The following OSBPL9 variants were observed in gnomAD, a reference collection of about 807,000 sequenced individuals.
OSBPL9 encodes the protein oxysterol binding protein like 9.
Under a neutral mutation model 106.6 loss-of-function variants are expected in OSBPL9, and 40 were observed. The observed-to-expected ratio is 0.38, with a 90% CI of 0.29 to 0.49. OSBPL9 has a LOEUF of 0.49. OSBPL9 is among the 20% of genes least tolerant of loss of function. OSBPL9 has a pLI of 0.97. For synonymous variants in OSBPL9, 269 were observed against 295.4 expected (o/e 0.91, Z 0.92); for missense variants, 609 against 887.2 (o/e 0.69, Z 3.98).
At chr1:51,617,801 C>T (rs1644158695) in intron 1 of OSBPL9, among the ~76,000 whole-genome samples, 1 of 152,112 alleles carries the variant, frequency 6.6e-6, no homozygotes, top group Non-Finnish European at 1.5e-5. Context: ...CTCTATTTAG[C>T]GGGAGGCGAG....
intron 1 of OSBPL9, among the ~76,000 whole-genome samples, chr1:51,591,207 C>T (rs1004684583): frequency 6.6e-6 from 1 of 151,148 alleles, no homozygotes; most frequent in Non-Finnish European, 1.5e-5. Context: ...CGTGAGCCAC[C>T]GTGCCGGGCC....
chr1:51,619,012 G>A (rs1401821812), intron 1 of OSBPL9, among the ~76,000 whole-genome samples: 1 of 152,168 alleles, frequency 6.6e-6, no homozygotes, highest in Non-Finnish European at 1.5e-5. Context: ...AAGGGAAAAA[G>A]ACTAAACCTT....
At chr1:51,562,989 G>A in the OSBPL9 span, among the ~76,000 whole-genome samples, 2 of 152,162 alleles carry the variant, frequency 1.3e-5, no homozygotes, top group Non-Finnish European at 2.9e-5. Context: ...CAGGCGGATC[G>A]CTTGAGGTCA....
intron 1 of OSBPL9, among the ~76,000 whole-genome samples, chr1:51,578,266 T>A (rs1393779504): frequency 2.0e-5 from 3 of 152,228 alleles, no homozygotes; most frequent in Non-Finnish European, 4.4e-5. Flanking sequence ...AATAGTTGTA[T>A]AACTTTGGCC....
In OSBPL9 at chr1:51,657,102, T is replaced by A. The variant is rs183785006; in HGVS notation, c.162+5061T>A. On this transcript the variant is annotated intron_variant, in intron 2 of 23. Coordinates refer to ENST00000428468, the MANE Select transcript of OSBPL9 (RefSeq NM_024586.6). ...TTCAGTGTCACAGTTGCCTGGCACA[T>A]AATAAATACTCAAAAATGCTTATTG... Among the ~76,000 whole-genome samples, 142 of 152,336 alleles carry A rather than the reference T, an allele frequency of 9.3e-4. 1 individual carries two copies. The highest frequency in any genetic ancestry group is 3.4e-3 in the African/African-American group (140 of 41,584).
rs749507952 is a variant in OSBPL9 at position 51,745,653 on chromosome 1, T to TA, written c.414+25dup. On this transcript the variant is annotated intron_variant, in intron 5 of 23. Coordinates refer to ENST00000428468, the MANE Select transcript of OSBPL9 (RefSeq NM_024586.6). ...AAAGGTATGGCATTAGTTTGTATAT[T>TA]AAATTTATATAAATAGAAAATGTTA... The TA allele has an allele frequency of 5.5e-6, 8 of 1,466,402 alleles. No homozygotes were observed. In the East Asian group the frequency reaches 2.1e-4, roughly 38 times the overall value. 90.8% of individuals were successfully genotyped at this position (1,466,402 alleles called of 1,614,324 possible).
intron 3 of OSBPL9, among the ~76,000 whole-genome samples, chr1:51,694,005 T>G (rs1655520009): frequency 6.6e-6 from 1 of 152,222 alleles, no homozygotes; most frequent in African/African-American, 2.4e-5. Context: ...GAGCTTACAT[T>G]CTGTTGGAGG....
intron 3 of OSBPL9, among the ~76,000 whole-genome samples, chr1:51,710,782 C>G (rs1659631596): frequency 1.3e-5 from 2 of 152,098 alleles, no homozygotes; most frequent in Admixed American, 1.3e-4. Flanking sequence ...TTCTCCCTGG[C>G]TGTTTTAAAG....
chr1:51,653,974 C>T (rs974460553), intron 2 of OSBPL9, among the ~76,000 whole-genome samples: 2 of 151,690 alleles, frequency 1.3e-5, no homozygotes, highest in African/African-American at 4.9e-5. Flanking sequence ...TGCCTTCCAG[C>T]CTGGGTGACA....
intron 4 of OSBPL9, among the ~76,000 whole-genome samples, chr1:51,719,010 G>A (rs1661571842): frequency 6.6e-6 from 1 of 152,114 alleles, no homozygotes; most frequent in South Asian, 2.1e-4. Flanking sequence ...TAAACCTTCT[G>A]TAAGATGACT....
chr1:51,735,252 G>T (rs1449535804), intron 4 of OSBPL9, among the ~76,000 whole-genome samples: 1 of 152,186 alleles, frequency 6.6e-6, no homozygotes, highest in African/African-American at 2.4e-5. Context: ...CTGGCCGGTG[G>T]GAACCTTGTT....
intron 1 of OSBPL9, among the ~76,000 whole-genome samples, chr1:51,596,208 A>G (rs1453835551): frequency 1.3e-5 from 2 of 150,616 alleles, no homozygotes; most frequent in South Asian, 2.1e-4. Flanking sequence ...GCAGTAAGCC[A>G]AGATTCTGCT....
Position 51,787,952 on chromosome 1 carries a change from A to G in OSBPL9, c.*163A>G. 1.6e-6 allele frequency: 1 copy of G among 610,692 alleles called. No homozygotes were observed. The highest frequency in any genetic ancestry group is 2.8e-6 in the Non-Finnish European group (1 of 358,106). The allele number at this position is 610,692 out of a possible 1,614,324, so 37.8% of individuals were successfully genotyped here. On this transcript the variant is annotated 3_prime_UTR_variant, in exon 24 of 24. Transcript: ENST00000428468. ...CTGACGCAGATGAACAATTAAGGGG[A>G]AAAGCTTCCCTTTTCCCTCTGTGGC...
rs774281007 is a variant in OSBPL9, at chr1:51,776,933, A to G, written c.1256+15A>G. 11 of 1,585,784 alleles carry G rather than the reference A, an allele frequency of 6.9e-6. No homozygotes were observed. The East Asian group carries it at 1.1e-4, about 16-fold the overall frequency. On this transcript the variant is annotated intron_variant, in intron 15 of 23. Transcript: ENST00000428468. ...CTGTTTGTGAGGTATTTGACTGAAC[A>G]TGGTAGTTTCCAACGTTTACAGATG...
intron 14 of OSBPL9, among the ~76,000 whole-genome samples, chr1:51,773,686 T>C (rs755940601): frequency 2.0e-5 from 3 of 152,242 alleles, no homozygotes; most frequent in Non-Finnish European, 2.9e-5. Flanking sequence ...TCCAGTGTTA[T>C]AGTCTTTGTC....
At chr1:51,520,553 C>CCA in the OSBPL9 span, among the ~76,000 whole-genome samples, 1 of 152,230 alleles carries the variant, frequency 6.6e-6, no homozygotes, top group African/African-American at 2.4e-5. Context: ...GTTTAGCCTA[C>CCA]CACAGAGGCC....
At chr1:51,600,646 G>A (rs1487460081) in intron 2 of OSBPL9, among the ~76,000 whole-genome samples, 1 of 152,116 alleles carries the variant, frequency 6.6e-6, no homozygotes, top group Admixed American at 6.5e-5. Context: ...CAGCTTTGGG[G>A]CCAAGTATTA....
At chr1:51,532,302 T>G in the OSBPL9 span, among the ~76,000 whole-genome samples, 2 of 152,216 alleles carry the variant, frequency 1.3e-5, no homozygotes, top group South Asian at 2.1e-4. Context: ...AATGCAGCAT[T>G]TTTTAGAAAG....
intron 1 of OSBPL9, among the ~76,000 whole-genome samples, chr1:51,580,613 G>A (rs1645215058): frequency 6.6e-6 from 1 of 151,956 alleles, no homozygotes; most frequent in African/African-American, 2.4e-5. Context: ...AACCTATGCT[G>A]TGCCAGTCTG....
Sources: allele counts gnomAD v4.1 joint callset (sites outside exome capture counted in the v4.1 genomes callset), GRCh38; gene constraint gnomAD v4.1.1; transcripts MANE v1.5; gene names NCBI Gene and HGNC (gene_info 2026-07-23, HGNC 2026-07-21).